DRC9: variants seen among roughly 807,000 people sequenced by gnomAD.
DRC9 encodes dynein regulatory complex subunit 9.
the DRC9 span, among the ~76,000 whole-genome samples, chr3:197,918,638 C>T: frequency 6.6e-6 from 1 of 151,978 alleles, no homozygotes; most frequent in Admixed American, 6.6e-5. Context: ...GAATAGTGTC[C>T]GTACATACAA....
At chr3:197,909,663 G>A in the DRC9 span, among the ~76,000 whole-genome samples, 2 of 152,200 alleles carry the variant, frequency 1.3e-5, no homozygotes, top group Admixed American at 6.5e-5. Context: ...AACAGGCTCT[G>A]GAACACTATA....
At chr3:197,936,119 G>A in the DRC9 span, among the ~76,000 whole-genome samples, 11 of 151,436 alleles carry the variant, frequency 7.3e-5, no homozygotes, top group Non-Finnish European at 1.5e-4. Flanking sequence ...AGCCAGGATT[G>A]TACCATTGTA....
the DRC9 span, among the ~76,000 whole-genome samples, chr3:197,930,463 C>T: frequency 6.6e-6 from 1 of 151,208 alleles, no homozygotes; most frequent in Admixed American, 6.6e-5. Context: ...AGGCGTGATC[C>T]TAGCACTTTG....
the DRC9 span, among the ~76,000 whole-genome samples, chr3:197,896,631 G>C: frequency 6.6e-6 from 1 of 152,180 alleles, no homozygotes; most frequent in African/African-American, 2.4e-5. Context: ...CTGGAGGCTG[G>C]GAAGTCCCAA....
the DRC9 span, chr3:197,938,512 T>C: frequency 2.6e-6 from 4 of 1,515,120 alleles, no homozygotes; most frequent in African/African-American, 1.4e-5. Flanking sequence ...TATGTGTAAA[T>C]ACGTTATTTC....
the DRC9 span, chr3:197,945,813 C>G: frequency 7.2e-6 from 4 of 554,762 alleles, no homozygotes; most frequent in Non-Finnish European, 3.2e-6. Flanking sequence ...CCTCTTTGTG[C>G]GGAGTGGAGC....
chr3:197,907,353 T>C, the DRC9 span, among the ~76,000 whole-genome samples: 11 of 152,284 alleles, frequency 7.2e-5, no homozygotes, highest in Middle Eastern at 6.8e-3. Context: ...CCCCAAATCA[T>C]AGCAGGGAAG....
the DRC9 span, among the ~76,000 whole-genome samples, chr3:197,940,310 T>C: frequency 5.5e-5 from 6 of 109,294 alleles, no homozygotes; most frequent in Admixed American, 3.2e-4. Flanking sequence ...AAAATTTACA[T>C]ATATATATAT....
chr3:197,933,882 C>T, the DRC9 span, among the ~76,000 whole-genome samples: 1 of 149,420 alleles, frequency 6.7e-6, no homozygotes, highest in South Asian at 2.1e-4. Flanking sequence ...GTGATCTTGG[C>T]TCACTGCAAC....
chr3:197,896,900 C>A, the DRC9 span, among the ~76,000 whole-genome samples: 1 of 152,124 alleles, frequency 6.6e-6, no homozygotes, highest in Non-Finnish European at 1.5e-5. Flanking sequence ...CAAAAAAAAT[C>A]CAGCTATGAA....
chr3:197,951,118 T>C, the DRC9 span: 2 of 1,613,832 alleles, frequency 1.2e-6, no homozygotes, highest in South Asian at 1.1e-5. Context: ...GATTGGTTTT[T>C]TGAAGCTTAT....
At chr3:197,889,707 G>A in the DRC9 span, 1 of 1,614,174 alleles carries the variant, frequency 6.2e-7, no homozygotes, top group Non-Finnish European at 8.5e-7. Flanking sequence ...TCGCCACCAG[G>A]CCTGGAGCTG....
the DRC9 span, among the ~76,000 whole-genome samples, chr3:197,930,082 C>T: frequency 2.0e-5 from 3 of 151,874 alleles, no homozygotes; most frequent in East Asian, 1.9e-4. Flanking sequence ...AGGCCAGGCA[C>T]GGTGGTTCAA....
the DRC9 span, chr3:197,951,222 A>G: frequency 6.2e-7 from 1 of 1,614,238 alleles, no homozygotes; most frequent in Admixed American, 1.7e-5. Flanking sequence ...GGGAGCACAC[A>G]GCTCTTCTTA....
the DRC9 span, chr3:197,955,815 G>T: frequency 6.7e-7 from 1 of 1,484,892 alleles, no homozygotes; most frequent in Non-Finnish European, 9.4e-7. Flanking sequence ...TTGTGCTCTT[G>T]TATTTTTAAG....
the DRC9 span, among the ~76,000 whole-genome samples, chr3:197,948,745 C>T: frequency 1.7e-3 from 264 of 152,338 alleles, no homozygotes; most frequent in African/African-American, 6.0e-3. Flanking sequence ...GACTTATATA[C>T]ATCTATTTCA....
chr3:197,946,359 T>C, the DRC9 span, among the ~76,000 whole-genome samples: 577 of 135,194 alleles, frequency 4.3e-3, 9 homozygotes, highest in African/African-American at 0.015. Flanking sequence ...GGCGTGAACC[T>C]GGGAGGCAGA....
the DRC9 span, among the ~76,000 whole-genome samples, chr3:197,937,156 G>A: frequency 6.6e-6 from 1 of 152,176 alleles, no homozygotes; most frequent in East Asian, 1.9e-4. Flanking sequence ...TAGTGGTCCT[G>A]CGTAATTGCA....
chr3:197,950,562 C>T, the DRC9 span: 2 of 329,194 alleles, frequency 6.1e-6, no homozygotes, highest in East Asian at 6.1e-5. Context: ...AGTCTCTTTC[C>T]TCAGCTTTTC....
Sources: gnomAD v4.1 joint callset for allele counts (sites outside exome capture counted in the v4.1 genomes callset) on GRCh38, gnomAD v4.1.1 for gene constraint, MANE v1.5 for transcripts, NCBI Gene and HGNC (gene_info 2026-07-23, HGNC 2026-07-21) for gene names.